YLPM1: variants seen among roughly 807,000 people sequenced by gnomAD.
YLPM1 encodes YLP motif containing 1.
A neutral mutation model predicts 230.0 loss-of-function variants in YLPM1; 99 were observed. The ratio of observed to expected loss-of-function variants is 0.43; its 90% confidence interval spans 0.37 to 0.51. The LOEUF (loss-of-function observed/expected upper bound fraction) is 0.51, where lower values mean the gene tolerates loss of function less well. Among genes scored for constraint, YLPM1 ranks in the 20% least tolerant of loss-of-function variants. YLPM1 has a pLI of 0.00. For missense variants in YLPM1, 2,592 were observed against 2,707.7 expected (o/e 0.96, Z 0.95); for synonymous variants, 984 against 942.5 (o/e 1.04, Z -0.81).
At chr14:74,788,399 C>T (rs1056921670) in intron 4 of YLPM1, among the ~76,000 whole-genome samples, 3 of 152,190 alleles carry the variant, frequency 2.0e-5, no homozygotes, top group Non-Finnish European at 4.4e-5. Flanking sequence ...GGATTACAGG[C>T]GTGAGCCACC....
Position 74,771,637 on chromosome 14 carries a change from AC to A in YLPM1, c.874-6809del, listed in dbSNP as rs774135502. ...TGCTGAGACGTCAAGCAAGATAAAGACTGCGAGTTATCTTTTGCACCTACTG... is the reference window on the plus strand; with the variant it reads ...TGCTGAGACGTCAAGCAAGATAAAGATGCGAGTTATCTTTTGCACCTACTG... On this transcript the variant is annotated intron_variant, in intron 1 of 20. Transcript: ENST00000325680. Among the ~76,000 whole-genome samples, 250 of 152,226 alleles carry A rather than the reference AC, an allele frequency of 1.6e-3. 1 individual carries two copies. Among genetic ancestry groups the A allele is most frequent in the Non-Finnish European group, 3.0e-3 (201 of 68,022 alleles).
At chr14:74,827,398 T>C in intron 18 of YLPM1, 1 of 985,450 alleles carries the variant, frequency 1.0e-6, no homozygotes, top group East Asian at 1.1e-4. Context: ...GGTGTGAGCC[T>C]TTCTTCAGCC....
intron 4 of YLPM1, among the ~76,000 whole-genome samples, chr14:74,793,727 G>C (rs1240086213): frequency 6.6e-6 from 1 of 152,162 alleles, no homozygotes; most frequent in Admixed American, 6.5e-5. Context: ...CTTGTTACCT[G>C]TCAGGTTTCT....
chr14:74,775,424 A>G (rs762120810), intron 1 of YLPM1, among the ~76,000 whole-genome samples: 1 of 152,252 alleles, frequency 6.6e-6, no homozygotes, highest in East Asian at 1.9e-4. Flanking sequence ...CTGTTTGCAT[A>G]TGGAAAATTA....
At chr14:74,817,616 G>T (rs2091489524) in intron 15 of YLPM1, among the ~76,000 whole-genome samples, 1 of 152,156 alleles carries the variant, frequency 6.6e-6, no homozygotes, top group Non-Finnish European at 1.5e-5. Flanking sequence ...AGTGATGTGT[G>T]ACTGTACTCT....
rs1398483550 is a variant in YLPM1 at position 74,778,587 on chromosome 14, C to T, written c.1014C>T (p.Ala338=). The T allele has an allele frequency of 6.2e-7, 1 of 1,602,480 alleles. No homozygotes were observed. Among genetic ancestry groups the T allele is most frequent in the African/African-American group, 1.3e-5 (1 of 74,526 alleles). Residue 338 remains alanine, a synonymous_variant, in exon 2 of 21, where the codon GCC becomes GCT. Coordinates refer to ENST00000325680, the MANE Select transcript of YLPM1 (RefSeq NM_019589.3). ...EPVKEEVTVP[A]TSQVPESPSS... ...TAAAAGAAGAAGTTACAGTACCTGC[C>T]ACCAGTCAAGTTCCAGAATCTCCTT... is the stretch of plus-strand genomic sequence containing the variant.
In YLPM1 at chr14:74,810,885, G is replaced by T. The variant is rs187005719; in HGVS notation, c.5228+465G>T. The stretch of plus-strand genomic sequence containing the variant: ...GTCACCCAGGCTGGAATGCAGTGGC[G>T]CAGTCTCAGCTCACTGCAGCCTCCA... On this transcript the variant is annotated intron_variant, in intron 9 of 20. Transcript: ENST00000325680. 7.2e-5 allele frequency among the ~76,000 whole-genome samples: 11 copies of T among 152,184 alleles called. No homozygotes were observed. In the East Asian group the frequency reaches 1.6e-3, roughly 21 times the overall value.
rs370688346 is a variant in YLPM1, at chr14:74,764,372, C to T, written c.873+10C>T. 27 of 1,592,930 alleles carry T rather than the reference C, an allele frequency of 1.7e-5. No homozygotes were observed. The African/African-American group carries it at 2.8e-4, about 17-fold the overall frequency. On this transcript the variant is annotated intron_variant, in intron 1 of 20. Transcript: ENST00000325680. ...TACGATGACTCCACAGGTAAGAAAG[C>T]ATCTGCCTGAACCTCATCTTTCACC...
At chr14:74,764,990 A>T (rs1438436658) in intron 1 of YLPM1, among the ~76,000 whole-genome samples, 1 of 152,180 alleles carries the variant, frequency 6.6e-6, no homozygotes, top group Non-Finnish European at 1.5e-5. Flanking sequence ...ATTGACCCAG[A>T]CATCCTTTTC....
chr14:74,830,075 A>G (rs1449387797), intron 19 of YLPM1, among the ~76,000 whole-genome samples: 1 of 152,212 alleles, frequency 6.6e-6, no homozygotes, highest in Non-Finnish European at 1.5e-5. Flanking sequence ...CAAGAAGGAA[A>G]GAGTATAGTC....
chr14:74,810,381 G>A lies in YLPM1; in HGVS notation c.5189G>A (p.Arg1730Gln), dbSNP rs770246044. 25 of 1,613,582 alleles carry A rather than the reference G, an allele frequency of 1.5e-5. No individual in the cohort carries two copies. The highest frequency in any genetic ancestry group is 1.9e-5 in the Non-Finnish European group (23 of 1,179,818). The change falls in exon 9 of 21, where the codon CGG becomes CAG. Residue 1730 changes from arginine to glutamine, a missense_variant. By Grantham distance (43) the Arg-to-Gln change is conservative (BLOSUM62 1). Transcript: ENST00000325680. ...DRDRGVIDYDRDRFDRERRPR... is the reference protein window; with the variant it reads ...DRDRGVIDYDQDRFDRERRPR... The stretch of plus-strand genomic sequence containing the variant: ...GATCGTGGTGTTATTGACTATGACC[G>A]GGATCGATTTGACAGAGAACGCCGA...
chr14:74,817,538 CT>C (rs2091488929), intron 15 of YLPM1, among the ~76,000 whole-genome samples: 1 of 152,152 alleles, frequency 6.6e-6, no homozygotes, highest in Non-Finnish European at 1.5e-5. Context: ...TGTAAGTATA[CT>C]CCATGATGTT....
chr14:74,802,777 C>A, intron 6 of YLPM1, 101 bp downstream of exon 6: 1 of 1,380,044 alleles, frequency 7.2e-7, no homozygotes, highest in Non-Finnish European at 9.6e-7. Flanking sequence ...CAAATTTCCT[C>A]TATAAAATGT....
At position 74,828,184 on chromosome 14, in the gene YLPM1, C is replaced by T. The variant is rs565969612; in HGVS notation, c.6164-1029C>T. On this transcript the variant is annotated intron_variant, in intron 18 of 20. Coordinates refer to ENST00000325680, the MANE Select transcript of YLPM1 (RefSeq NM_019589.3). ...ACTTTTCATACCAAGTTCTCTCCAA[C>T]GTGGTGTCTGAAAGATTTTTATTAT... Among the ~76,000 whole-genome samples the T allele has an allele frequency of 3.9e-5, 6 of 152,264 alleles. No homozygotes were observed. In the East Asian group the frequency reaches 7.7e-4, roughly 20 times the overall value.
intron 9 of YLPM1, 31 bp from the exon 10 acceptor site, chr14:74,811,589 T>A: frequency 3.9e-6 from 6 of 1,541,734 alleles, no homozygotes; most frequent in Non-Finnish European, 5.3e-6. Context: ...TATTTTTTAT[T>A]TGCTGAAGCG....
intron 4 of YLPM1, among the ~76,000 whole-genome samples, chr14:74,785,979 C>CT (rs977053275): frequency 3.9e-5 from 6 of 151,916 alleles, no homozygotes; most frequent in Admixed American, 2.6e-4. Context: ...TTTCCAGGAC[C>CT]TTTTTTTTCA....
Position 74,798,182 on chromosome 14 carries a change from CAGG to C in YLPM1, c.2886_2888del (p.Gly964del), listed in dbSNP as rs762075021. ...GCTCAATCTACTTTTCCTTCAAAAACAGGGGGGATGGAGGGAGGAACAGCAGTA... is the reference window on the plus strand; with the variant it reads ...GCTCAATCTACTTTTCCTTCAAAAACGGGGATGGAGGGAGGAACAGCAGTA... On this transcript the variant is annotated inframe_deletion, in exon 5 of 21. Coordinates refer to ENST00000325680, the MANE Select transcript of YLPM1 (RefSeq NM_019589.3). The C allele has an allele frequency of 1.2e-6, 2 of 1,613,946 alleles. No homozygotes were observed. The highest frequency in any genetic ancestry group is 2.2e-5 in the South Asian group (2 of 91,076).
At chr14:74,777,974 C>CA (rs138166786) in intron 1 of YLPM1, among the ~76,000 whole-genome samples, 22,109 of 141,070 alleles carry the variant, frequency 0.16, 1,721 homozygotes, top group South Asian at 0.31. Context: ...GATGCAGTCT[C>CA]AAAAAAAAAA....
At chr14:74,785,987 T>TC (rs1282770340) in intron 4 of YLPM1, among the ~76,000 whole-genome samples, 3 of 152,148 alleles carry the variant, frequency 2.0e-5, no homozygotes, top group African/African-American at 7.2e-5. Flanking sequence ...ACCTTTTTTT[T>TC]CACATATAAT....
Sources: allele counts gnomAD v4.1 joint callset (sites outside exome capture counted in the v4.1 genomes callset), GRCh38; gene constraint gnomAD v4.1.1; transcripts MANE v1.5; gene names NCBI Gene and HGNC (gene_info 2026-07-23, HGNC 2026-07-21).